PTPRJ: variants seen among roughly 807,000 people sequenced by gnomAD.
PTPRJ encodes the protein protein tyrosine phosphatase receptor type J.
Under a neutral mutation model 141.3 loss-of-function variants are expected in PTPRJ, and 129 were observed. The ratio of observed to expected loss-of-function variants is 0.91; its 90% confidence interval spans 0.79 to 1.06. PTPRJ has a LOEUF of 1.06. Among genes scored for constraint, PTPRJ ranks in the 50% least tolerant of loss-of-function variants. The pLI is 0.00. For missense variants in PTPRJ, 1,601 were observed against 1,679.7 expected, an observed-to-expected ratio of 0.95 and a Z score of 0.82; for synonymous variants, 610 against 640.5, an observed-to-expected ratio of 0.95 and a Z score of 0.72.
intron 1 of PTPRJ, among the ~76,000 whole-genome samples, chr11:47,991,095 C>G (rs916140223): frequency 1.3e-5 from 2 of 152,114 alleles, no homozygotes; most frequent in Non-Finnish European, 2.9e-5. Context: ...CACACAGACA[C>G]ACGCAAATGT....
chr11:48,169,587 A>G lies in PTPRJ; in HGVS notation c.*2225A>G, dbSNP rs1452950572. 6.6e-6 allele frequency: 1 copy of G among 152,046 alleles called. No homozygotes were observed. Among genetic ancestry groups the G allele is most frequent in the Non-Finnish European group, 1.5e-5 (1 of 68,034 alleles). The allele number at this position is 152,046 out of a possible 1,614,324, so 9.4% of individuals were successfully genotyped here. A position where few individuals can be genotyped will look rare whatever the true frequency, so the allele number is the denominator to read the frequency against. On this transcript the variant is annotated 3_prime_UTR_variant, in exon 25 of 25. Transcript: ENST00000418331. ...GGGCTGTGGCCCTCTCCCCTCCAAT[A>G]TGTCCGAAACCATTGTGATGGGTGG...
intron 8 of PTPRJ, among the ~76,000 whole-genome samples, chr11:48,133,418 C>G (rs537161253): frequency 6.6e-6 from 1 of 152,160 alleles, no homozygotes; most frequent in Non-Finnish European, 1.5e-5. Context: ...CTCAAAGGAC[C>G]CGTTTCATTC....
At chr11:48,141,376 C>T (rs1437273625) in intron 11 of PTPRJ, among the ~76,000 whole-genome samples, 1 of 151,042 alleles carries the variant, frequency 6.6e-6, no homozygotes, top group Non-Finnish European at 1.5e-5. Flanking sequence ...CATGGAGGGT[C>T]CTGTGGGGGC....
At chr11:48,102,138 C>T (rs776751005) in intron 1 of PTPRJ, among the ~76,000 whole-genome samples, 1 of 152,080 alleles carries the variant, frequency 6.6e-6, no homozygotes, top group Non-Finnish European at 1.5e-5. Flanking sequence ...AGGGAATGGA[C>T]AAAAAGATGG....
chr11:48,000,139 C>T (rs1420464202), intron 1 of PTPRJ, among the ~76,000 whole-genome samples: 2 of 143,366 alleles, frequency 1.4e-5, no homozygotes, highest in Non-Finnish European at 3.0e-5. Context: ...TATGCCTGGC[C>T]CTTTTTTTTT....
At chr11:48,013,922 G>A (rs1228031) in intron 1 of PTPRJ, among the ~76,000 whole-genome samples, 10,983 of 151,298 alleles carry the variant, frequency 0.073, 1,291 homozygotes, top group African/African-American at 0.25. Context: ...TGGCCCTGGG[G>A]GTTGGCTTTG....
chr11:48,144,618 G>A, intron 12 of PTPRJ, 57 bp from the exon 13 acceptor site: 1 of 1,368,638 alleles, frequency 7.3e-7, no homozygotes, highest in Non-Finnish European at 1.0e-6. Context: ...ATATGCAGGA[G>A]AAGAAATCTC....
chr11:48,118,976 C>T (rs778838303), intron 3 of PTPRJ, among the ~76,000 whole-genome samples: 2 of 141,882 alleles, frequency 1.4e-5, no homozygotes, highest in African/African-American at 2.6e-5. Flanking sequence ...GCCAAGATCA[C>T]GCCACTACAC....
chr11:48,051,768 A>G (rs187438011), intron 1 of PTPRJ, among the ~76,000 whole-genome samples: 1 of 152,358 alleles, frequency 6.6e-6, no homozygotes, highest in Admixed American at 6.5e-5. Context: ...AAATCAGAAA[A>G]TGATACTTCT....
At chr11:48,057,645 C>T (rs574058030) in intron 1 of PTPRJ, among the ~76,000 whole-genome samples, 2 of 152,024 alleles carry the variant, frequency 1.3e-5, no homozygotes, top group African/African-American at 4.8e-5. Context: ...AGAAATCACT[C>T]CTGAGCCCTG....
At chr11:48,096,192 C>T (rs1430493840) in intron 1 of PTPRJ, among the ~76,000 whole-genome samples, 1 of 152,168 alleles carries the variant, frequency 6.6e-6, no homozygotes, top group South Asian at 2.1e-4. Flanking sequence ...AAGCAAAGCA[C>T]GGCTCTGCAG....
At chr11:48,097,298 T>C (rs1856032482) in intron 1 of PTPRJ, among the ~76,000 whole-genome samples, 1 of 152,014 alleles carries the variant, frequency 6.6e-6, no homozygotes, top group African/African-American at 2.4e-5. Context: ...TGAACCAAGG[T>C]AGGGGATGAC....
At chr11:48,108,557 C>T (rs1416299546) in intron 1 of PTPRJ, among the ~76,000 whole-genome samples, 1 of 152,192 alleles carries the variant, frequency 6.6e-6, no homozygotes, top group Non-Finnish European at 1.5e-5. Context: ...TTTTTATCCT[C>T]AGAATGCGTT....
chr11:48,037,284 G>C (rs1854150526), intron 1 of PTPRJ, among the ~76,000 whole-genome samples: 1 of 152,108 alleles, frequency 6.6e-6, no homozygotes, highest in Non-Finnish European at 1.5e-5. Context: ...TCCAAATTCT[G>C]TATTCTCTCA....
Position 48,123,724 on chromosome 11 carries a change from T to C in PTPRJ, c.728T>C (p.Ile243Thr), listed in dbSNP as rs1309269254. The C allele has an allele frequency of 1.2e-6, 2 of 1,614,140 alleles. No individual in the cohort carries two copies. The highest frequency in any genetic ancestry group is 8.5e-7 in the Non-Finnish European group (1 of 1,180,028). The change falls in exon 5 of 25, where the codon ATT (isoleucine) becomes ACT (threonine). Residue 243 changes from isoleucine to threonine, a missense_variant. By Grantham distance (89) the Ile-to-Thr change is moderately conservative. Coordinates refer to ENST00000418331, the MANE Select transcript of PTPRJ (RefSeq NM_002843.4). ...TASCRVLLES[I>T]GSHEELTQDS... The stretch of plus-strand genomic sequence containing the variant: ...TCCTGCCGGGTTCTTCTTGAAAGCA[T>C]TGGAAGCCATGAGGAGTTGACTCAA...
chr11:48,151,152 A>G (rs1857471639), intron 18 of PTPRJ, among the ~76,000 whole-genome samples: 1 of 152,158 alleles, frequency 6.6e-6, no homozygotes, highest in South Asian at 2.1e-4. Flanking sequence ...TGGGAGGCTG[A>G]AAACAACAGA....
chr11:48,120,946 C>T, intron 3 of PTPRJ, 57 bp from the exon 4 acceptor site: 1 of 1,440,068 alleles, frequency 6.9e-7, no homozygotes, highest in Non-Finnish European at 9.3e-7. Flanking sequence ...GAGCAGACCT[C>T]ACTCTTACAT....
intron 1 of PTPRJ, among the ~76,000 whole-genome samples, chr11:48,022,283 G>A (rs535318312): frequency 2.2e-3 from 341 of 152,144 alleles, no homozygotes; most frequent in Non-Finnish European, 3.9e-3. Flanking sequence ...TGGCCAACAT[G>A]GAGAAACCCC....
chr11:47,980,985 C>T lies in PTPRJ; in HGVS notation c.73C>T (p.Leu25=). ...PGLRWALPLL[L]LLLRLGQILC... is the part of the protein sequence containing the mutation. ...GCTGCGCTGGGCGCTGCCGCTGCTG[C>T]TGCTGCTGCTGCGCCTGGGCCAGGT... Residue 25 remains leucine, a synonymous_variant, in exon 1 of 25, where the codon CTG becomes TTG. Transcript: ENST00000418331. The T allele has an allele frequency of 1.7e-6, 2 of 1,183,754 alleles. No individual in the cohort carries two copies. The highest frequency in any genetic ancestry group is 1.6e-5 in the African/African-American group (1 of 62,096). The allele number at this position is 1,183,754 out of a possible 1,614,324, so 73.3% of individuals were successfully genotyped here.
Sources: gnomAD v4.1 joint callset for allele counts (sites outside exome capture counted in the v4.1 genomes callset) on GRCh38, gnomAD v4.1.1 for gene constraint, MANE v1.5 for transcripts, NCBI Gene and HGNC (gene_info 2026-07-23, HGNC 2026-07-21) for gene names.